TLCD3B: variants seen among roughly 807,000 people sequenced by gnomAD.
TLCD3B encodes ceramide synthase.
Under a neutral mutation model 23.0 loss-of-function variants are expected in TLCD3B, and 9 were observed. The observed-to-expected ratio is 0.39, with a 90% confidence interval of 0.24 to 0.68. The LOEUF (loss-of-function observed/expected upper bound fraction) is 0.68. Among genes scored for constraint, TLCD3B ranks in the 30% least tolerant of loss-of-function variants. The pLI, the probability that TLCD3B is intolerant of heterozygous loss-of-function variation, is 0.44. For synonymous variants in TLCD3B, 161 were observed against 161.0 expected, an observed-to-expected ratio of 1.00 and a Z score of 0.00; for missense variants, 307 against 371.8, an observed-to-expected ratio of 0.83 and a Z score of 1.43.
At position 30,031,160 on chromosome 16, in the gene TLCD3B, A is replaced by C; in HGVS notation, c.-633T>G. 1 of 130,088 alleles carries C rather than the reference A, an allele frequency of 7.7e-6. No homozygotes were observed. Among genetic ancestry groups the C allele is most frequent in the Non-Finnish European group, 1.7e-5 (1 of 59,632 alleles). 8.1% of individuals were successfully genotyped at this position (130,088 alleles called of 1,614,324 possible). A position where few individuals can be genotyped will look rare whatever the true frequency, so the allele number is the denominator to read the frequency against. On this transcript the variant is annotated 5_prime_UTR_variant, in exon 1 of 5. Coordinates refer to ENST00000380495, the MANE Select transcript of TLCD3B (RefSeq NM_031478.6). ...CCCTGCCCCCTCGGTGGGGAGGGGGAGGGGGAGGGGAAGTGGCCAGCTTGG... is the reference window on the plus strand; with the variant it reads ...CCCTGCCCCCTCGGTGGGGAGGGGGCGGGGGAGGGGAAGTGGCCAGCTTGG...
intron 2 of TLCD3B, chr16:30,027,802 G>A: frequency 5.1e-6 from 2 of 393,340 alleles, no homozygotes; most frequent in South Asian, 1.9e-5. Context: ...GGAGGTCAGA[G>A]AGGCAGGACC....
chr16:30,034,702 C>A (rs1376141185), upstream of TLCD3B, among the ~76,000 whole-genome samples: 1 of 152,154 alleles, frequency 6.6e-6, no homozygotes, highest in Non-Finnish European at 1.5e-5. Context: ...CAGCCTATAT[C>A]ATCCCTGCAG....
At chr16:30,034,733 T>A (rs2071433767), upstream of TLCD3B, among the ~76,000 whole-genome samples, 2 of 152,124 alleles carry the variant, frequency 1.3e-5, no homozygotes, top group Admixed American at 1.3e-4. Flanking sequence ...CCTCATATTA[T>A]CTGCAGCAGT....
chr16:30,049,997 G>C (rs1305479966), intron 1 of TLCD3B, among the ~76,000 whole-genome samples: 1 of 151,910 alleles, frequency 6.6e-6, no homozygotes, highest in Non-Finnish European at 1.5e-5. Context: ...CCCTTGTCTT[G>C]GCTTGCCTGG....
chr16:30,040,145 A>T lies in TLCD3B; in HGVS notation c.-67+850T>A, dbSNP rs867058870. On this transcript the variant is annotated intron_variant, in intron 3 of 6. Transcript: ENST00000561666. ...CAAGACTTTGTCTCAAAAAAAAAAA[A>T]AAATATATATATATATATATATATA... Among the ~76,000 whole-genome samples, 800 of 89,348 alleles carry T rather than the reference A, an allele frequency of 9.0e-3. 15 individuals are homozygous for T. The highest frequency in any genetic ancestry group is 0.03 in the African/African-American group (744 of 24,914). 58.6% of individuals were successfully genotyped at this position (89,348 alleles called of 152,430 possible). A position where few individuals can be genotyped will look rare whatever the true frequency, so the allele number is the denominator to read the frequency against.
At position 30,025,248 on chromosome 16, in the gene TLCD3B, G is replaced by A. The variant is rs2071061741; in HGVS notation, c.760C>T (p.Arg254Cys). Residue 254 changes from arginine to cysteine, a missense_variant, in exon 5 of 5, where the codon CGT becomes TGT. Coordinates refer to ENST00000380495, the MANE Select transcript of TLCD3B (RefSeq NM_031478.6). This position sits in a 1 kb window ranked among gnomAD's most constrained non-coding sequence, Gnocchi z 4.1. ...PQLYWFFLIC[R>C]GACRLFWPRS... The stretch of plus-strand genomic sequence containing the variant: ...GGCCAGAAGAGGCGGCAGGCCCCAC[G>A]GCAGATGAGGAAGAACCAGTAGAGC... 5.2e-6 allele frequency: 8 copies of A among 1,534,028 alleles called. No homozygotes were observed. Among genetic ancestry groups the A allele is most frequent in the South Asian group, 2.4e-5 (2 of 82,698 alleles).
intron 1 of TLCD3B, among the ~76,000 whole-genome samples, chr16:30,049,918 C>T (rs997605732): frequency 2.4e-5 from 3 of 124,606 alleles, no homozygotes; most frequent in South Asian, 2.6e-4. Context: ...AGCAAGACTC[C>T]ATCTCAAAAA....
intron 2 of TLCD3B, among the ~76,000 whole-genome samples, chr16:30,045,092 CAAAAAAAAAA>C (rs1162281544): frequency 3.6e-4 from 8 of 22,224 alleles, no homozygotes; most frequent in Admixed American, 8.2e-4. Flanking sequence ...GACTCCATCT[CAAAAAAAAAA>C]AAAAAAAAAA....
intron 3 of TLCD3B, among the ~76,000 whole-genome samples, chr16:30,040,147 A>AAAAAAAATATATATAT: frequency 1.0e-5 from 1 of 95,898 alleles, no homozygotes; most frequent in Non-Finnish European, 2.0e-5. Context: ...AAAAAAAAAA[A>AAAAAAAATATATATAT]ATATATATAT....
rs2071293351 is a variant in TLCD3B, at chr16:30,029,675, C to T, written c.126-160G>A. The T allele has an allele frequency of 4.6e-6, 3 of 658,942 alleles. No individual in the cohort carries two copies. Among genetic ancestry groups the T allele is most frequent in the African/African-American group, 3.6e-5 (2 of 55,962 alleles). 40.8% of individuals were successfully genotyped at this position (658,942 alleles called of 1,614,324 possible). A position where few individuals can be genotyped will look rare whatever the true frequency, so the allele number is the denominator to read the frequency against. The stretch of plus-strand genomic sequence containing the variant: ...AAGGCTGGGCTGCCTGAGGTGTGCC[C>T]CACCACAGGTACCTCACGGCTCTCC... On this transcript the variant is annotated intron_variant, in intron 1 of 4. Coordinates refer to ENST00000380495, the MANE Select transcript of TLCD3B (RefSeq NM_031478.6). The surrounding 1 kb of genome is among the most constrained non-coding windows in gnomAD (Gnocchi z 4.6).
intron 1 of TLCD3B, among the ~76,000 whole-genome samples, chr16:30,051,334 G>T (rs993650801): frequency 1.3e-5 from 2 of 151,902 alleles, no homozygotes. Flanking sequence ...GGGAGTTCGA[G>T]ACCAGCCTGA....
chr16:30,024,859 T>C lies in TLCD3B; in HGVS notation c.*324A>G. The C allele has an allele frequency of 3.5e-6, 1 of 285,736 alleles. No individual in the cohort carries two copies. 17.7% of individuals were successfully genotyped at this position (285,736 alleles called of 1,614,324 possible). The stretch of plus-strand genomic sequence containing the variant: ...CTGGGATGGCCTTGGCAGAGGCGTC[T>C]CCCCACATTCTGACTCCTGGTCCCC... On this transcript the variant is annotated 3_prime_UTR_variant, in exon 5 of 5. Transcript: ENST00000380495.
chr16:30,035,919 T>C (rs2071463975), upstream of TLCD3B, among the ~76,000 whole-genome samples: 1 of 151,908 alleles, frequency 6.6e-6, no homozygotes, highest in Non-Finnish European at 1.5e-5. Flanking sequence ...CCCGCCACCA[T>C]GCCCAGCTAA....
intron 2 of TLCD3B, 102 bp from the exon 3 acceptor site, chr16:30,026,945 G>A: frequency 1.0e-6 from 1 of 993,578 alleles, no homozygotes; most frequent in Non-Finnish European, 1.5e-6. Context: ...GACAGGAGCG[G>A]AGTCTTGGGT....
Position 30,025,575 on chromosome 16 carries a change from A to AC in TLCD3B, c.541-109dup, listed in dbSNP as rs1567295576. On this transcript the variant is annotated intron_variant, in intron 4 of 4. Coordinates refer to ENST00000380495, the MANE Select transcript of TLCD3B (RefSeq NM_031478.6). The surrounding 1 kb of genome is among the most constrained non-coding windows in gnomAD (Gnocchi z 4.1). ...GCAGGCAGCTCCTCCCAAACCAGAC[A>AC]CTTTGCCAGGACACAAGCACCAGGT... is the stretch of plus-strand genomic sequence containing the variant. 3 of 1,521,016 alleles carry AC rather than the reference A, an allele frequency of 2.0e-6. No homozygotes were observed. The highest frequency in any genetic ancestry group is 1.8e-6 in the Non-Finnish European group (2 of 1,100,078). 94.2% of individuals were successfully genotyped at this position (1,521,016 alleles called of 1,614,324 possible). A position where few individuals can be genotyped will look rare whatever the true frequency, so the allele number is the denominator to read the frequency against.
chr16:30,026,108 A>T (rs1308326937), intron 3 of TLCD3B, among the ~76,000 whole-genome samples: 2 of 152,118 alleles, frequency 1.3e-5, no homozygotes, highest in Non-Finnish European at 2.9e-5. Flanking sequence ...GTTGGTGGGC[A>T]CCTGTAATCC....
In TLCD3B at chr16:30,026,726, G is replaced by A. The variant is rs535614088; in HGVS notation, c.327C>T (p.Asp109=). Residue 109 remains aspartate (D), a synonymous_variant, in exon 3 of 5, where the codon GAC becomes GAT. Coordinates refer to ENST00000380495, the MANE Select transcript of TLCD3B (RefSeq NM_031478.6). ...KHQVKGHGGD[D]GAARAPGSTW... is the part of the protein sequence containing the mutation. ...TGCTGCCCGGGGCTCTGGCCGCTCCGTCGTCCCCTCCATGCCCTTTGACCT... is the reference window on the plus strand; with the variant it reads ...TGCTGCCCGGGGCTCTGGCCGCTCCATCGTCCCCTCCATGCCCTTTGACCT... 23 of 1,614,054 alleles carry A rather than the reference G, an allele frequency of 1.4e-5. No individual in the cohort carries two copies. The highest frequency in any genetic ancestry group is 3.3e-4 in the Middle Eastern group (2 of 6,062).
Position 30,026,591 on chromosome 16 carries a change from C to G in TLCD3B, c.444+18G>C. 2 of 1,605,912 alleles carry G rather than the reference C, an allele frequency of 1.2e-6. No homozygotes were observed. Among genetic ancestry groups the G allele is most frequent in the Non-Finnish European group, 1.7e-6 (2 of 1,174,350 alleles). ...GCAGGCCACCCGCACCCCGCCCGCC[C>G]AGCTCCCCGGGACTCACCACTGAGA... On this transcript the variant is annotated intron_variant, in intron 3 of 4. Coordinates refer to ENST00000380495, the MANE Select transcript of TLCD3B (RefSeq NM_031478.6).
rs1357144957 is a variant in TLCD3B at position 30,029,209 on chromosome 16, C to T, written c.209+223G>A. ...CTAGAAAGCGCTTTGAGGATCCTCT[C>T]TGATCCCCGCTCCTTCTCCCCCTGG... is the stretch of plus-strand genomic sequence containing the variant. On this transcript the variant is annotated intron_variant, in intron 2 of 4. Coordinates refer to ENST00000380495, the MANE Select transcript of TLCD3B (RefSeq NM_031478.6). This position sits in a 1 kb window ranked among gnomAD's most constrained non-coding sequence, Gnocchi z 4.6. Among the ~76,000 whole-genome samples, 2 of 152,194 alleles carry T rather than the reference C, an allele frequency of 1.3e-5. No individual in the cohort carries two copies. Among genetic ancestry groups the T allele is most frequent in the African/African-American group, 2.4e-5 (1 of 41,432 alleles).
Sources: allele counts gnomAD v4.1 joint callset (sites outside exome capture counted in the v4.1 genomes callset), GRCh38; gene constraint gnomAD v4.1.1; non-coding constraint Gnocchi (gnomAD v3.1); transcripts MANE v1.5; gene names NCBI Gene and HGNC (gene_info 2026-07-23, HGNC 2026-07-21).